LRFN5: variants seen among roughly 807,000 people sequenced by gnomAD.
LRFN5 encodes the protein leucine-rich repeat and fibronectin type-III domain-containing protein 5.
LRFN5 carries 24 observed loss-of-function variants against 45.6 expected under a neutral mutation model. The observed-to-expected ratio is 0.53, with a 90% confidence interval of 0.38 to 0.74. The LOEUF (loss-of-function observed/expected upper bound fraction) is 0.74, where lower values mean the gene tolerates loss of function less well. Ranked by LOEUF, LRFN5 falls within the 30% of genes least tolerant of loss-of-function variation. The pLI is 0.00. For synonymous variants in LRFN5, 340 were observed against 313.8 expected (o/e 1.08, Z -0.88); for missense variants, 776 against 861.5 (o/e 0.90, Z 1.24).
At chr14:41,760,202 C>T (rs557952787) in intron 1 of LRFN5, among the ~76,000 whole-genome samples, 30 of 152,206 alleles carry the variant, frequency 2.0e-4, no homozygotes, top group South Asian at 4.2e-4. Flanking sequence ...TTCTGCTACA[C>T]GTATAGCCAC....
chr14:41,631,564 T>C (rs562959105), intron 1 of LRFN5, among the ~76,000 whole-genome samples: 54 of 152,196 alleles, frequency 3.5e-4, no homozygotes, highest in African/African-American at 1.2e-3. Flanking sequence ...TATGAAGTTA[T>C]AAGAATTATG....
At chr14:41,884,073 A>G (rs1890481217) in intron 2 of LRFN5, among the ~76,000 whole-genome samples, 1 of 152,056 alleles carries the variant, frequency 6.6e-6, no homozygotes, top group Non-Finnish European at 1.5e-5. Context: ...TTGCTAGTAC[A>G]CTGCCCCACA....
intron 1 of LRFN5, among the ~76,000 whole-genome samples, chr14:41,671,127 T>C (rs1386118114): frequency 6.6e-6 from 1 of 151,874 alleles, no homozygotes; most frequent in East Asian, 1.9e-4. Context: ...ATATGAGATT[T>C]CTTTGAAAAT....
At chr14:41,812,766 T>C (rs897907041) in intron 2 of LRFN5, among the ~76,000 whole-genome samples, 3 of 152,128 alleles carry the variant, frequency 2.0e-5, no homozygotes, top group Non-Finnish European at 2.9e-5. Flanking sequence ...GATGAAACAA[T>C]GTTTTAAATG....
intron 1 of LRFN5, among the ~76,000 whole-genome samples, chr14:41,643,169 A>T (rs1011927611): frequency 2.0e-5 from 3 of 152,298 alleles, no homozygotes; most frequent in South Asian, 2.1e-4. Flanking sequence ...TTACCTAGGT[A>T]GATATTCTGT....
At chr14:41,734,316 T>TTTTATATATATATATATA (rs1555358693) in intron 1 of LRFN5, among the ~76,000 whole-genome samples, 2 of 38,768 alleles carry the variant, frequency 5.2e-5, no homozygotes, top group Non-Finnish European at 6.9e-5. Flanking sequence ...TGGACTGGTT[T>TTTTATATATATATATATA]TATATATATA....
intron 1 of LRFN5, among the ~76,000 whole-genome samples, chr14:41,763,157 G>A (rs146718946): frequency 1.3e-5 from 2 of 152,178 alleles, no homozygotes; most frequent in African/African-American, 4.8e-5. Context: ...TAATGTATAA[G>A]GTTTTATGAT....
At chr14:41,889,017 G>GTA (rs1422614051) in intron 3 of LRFN5, among the ~76,000 whole-genome samples, 5 of 147,352 alleles carry the variant, frequency 3.4e-5, no homozygotes, top group African/African-American at 5.0e-5. Flanking sequence ...ATATATGTGT[G>GTA]TGTATATATA....
At chr14:41,743,697 A>T (rs2138826812) in intron 1 of LRFN5, among the ~76,000 whole-genome samples, 1 of 152,304 alleles carries the variant, frequency 6.6e-6, no homozygotes, top group Admixed American at 6.5e-5. Flanking sequence ...CCTCACCACA[A>T]AAAATATAAG....
In LRFN5 at chr14:41,891,569, G is replaced by A. The variant is rs1449881143; in HGVS notation, c.1705G>A (p.Val569Ile). Residue 569 changes from valine to isoleucine, a missense_variant, in exon 4 of 6, where the codon GTT becomes ATT. Val to Ile is a conservative substitution (Grantham distance 29). Transcript: ENST00000298119. ...ACACAAGGTCACCAAGGTTAGCAAT[G>A]TTTATTCCCAAACTAACGGGGCTCA... is the stretch of plus-strand genomic sequence containing the variant. ...GQHKVTKVSNVYSQTNGAQIQ... is the reference protein window; with the variant it reads ...GQHKVTKVSNIYSQTNGAQIQ... The A allele has an allele frequency of 6.2e-7, 1 of 1,614,088 alleles. No homozygotes were observed. Among genetic ancestry groups the A allele is most frequent in the East Asian group, 2.2e-5 (1 of 44,902 alleles).
intron 2 of LRFN5, among the ~76,000 whole-genome samples, chr14:41,808,487 T>C (rs77785289): frequency 0.012 from 1,445 of 119,300 alleles, 51 homozygotes; most frequent in African/African-American, 0.047. Flanking sequence ...GTATACCCAA[T>C]TGTGGCCAGA....
At chr14:41,622,641 T>TA in intron 1 of LRFN5, among the ~76,000 whole-genome samples, 1 of 152,244 alleles carries the variant, frequency 6.6e-6, no homozygotes, top group African/African-American at 2.4e-5. Context: ...TCCTTCATTT[T>TA]AAAATGAAAT....
At chr14:41,703,990 C>A (rs1327174187) in intron 1 of LRFN5, among the ~76,000 whole-genome samples, 5 of 151,938 alleles carry the variant, frequency 3.3e-5, no homozygotes. Context: ...CTAGGTAGCT[C>A]CATTATTTAC....
At chr14:41,850,662 C>T (rs11621805) in intron 2 of LRFN5, among the ~76,000 whole-genome samples, 88,756 of 151,426 alleles carry the variant, frequency 0.59, 26,180 homozygotes, top group African/African-American at 0.64. Flanking sequence ...TCTTTCTTTA[C>T]TTGCTGAATT....
chr14:41,672,266 T>C (rs892086269), intron 1 of LRFN5, among the ~76,000 whole-genome samples: 6 of 152,228 alleles, frequency 3.9e-5, no homozygotes, highest in Non-Finnish European at 5.9e-5. Flanking sequence ...ACCTTCTTTT[T>C]TGAAGTGTCA....
intron 2 of LRFN5, among the ~76,000 whole-genome samples, chr14:41,790,257 A>T (rs1224529418): frequency 6.6e-6 from 1 of 151,878 alleles, no homozygotes; most frequent in African/African-American, 2.4e-5. Flanking sequence ...TTATTATTTT[A>T]TGTCTGCATT....
intron 1 of LRFN5, among the ~76,000 whole-genome samples, chr14:41,641,815 A>G (rs1418207730): frequency 6.6e-6 from 1 of 152,150 alleles, no homozygotes; most frequent in Non-Finnish European, 1.5e-5. Flanking sequence ...TTGAAACTTT[A>G]TTATAGTCAC....
At chr14:41,889,002 C>CAT (rs5808161) in intron 3 of LRFN5, among the ~76,000 whole-genome samples, 87,409 of 147,642 alleles carry the variant, frequency 0.59, 26,368 homozygotes, top group Middle Eastern at 0.73. Flanking sequence ...TATGTATACA[C>CAT]ATATATATAT....
At chr14:41,630,896 G>A (rs1203179932) in intron 1 of LRFN5, among the ~76,000 whole-genome samples, 2 of 151,942 alleles carry the variant, frequency 1.3e-5, no homozygotes, top group Non-Finnish European at 1.5e-5. Flanking sequence ...TAACTGGAAG[G>A]CTTAACAATT....
Sources: gnomAD v4.1 joint callset for allele counts (sites outside exome capture counted in the v4.1 genomes callset) on GRCh38, gnomAD v4.1.1 for gene constraint, MANE v1.5 for transcripts, NCBI Gene and HGNC (gene_info 2026-07-23, HGNC 2026-07-21) for gene names.